Variants in RPE65 observed in about 807,000 individuals in gnomAD.
RPE65 encodes retinoid isomerohydrolase.
A neutral mutation model predicts 68.5 loss-of-function variants in RPE65; 58 were observed. The observed-to-expected ratio is 0.85, with a 90% CI of 0.69 to 1.05. The LOEUF is 1.05. Ranked by LOEUF, RPE65 falls within the 50% of genes least tolerant of loss-of-function variation. RPE65 has a pLI of 0.00. For synonymous variants in RPE65, 220 were observed against 222.2 expected (o/e 0.99, Z 0.09); for missense variants, 643 against 629.9 (o/e 1.02, Z -0.22).
In RPE65 at chr1:68,431,124, T is replaced by A; in HGVS notation, c.1391A>T (p.Asp464Val). 6.2e-7 allele frequency: 1 copy of A among 1,613,866 alleles called. No homozygotes were observed. The highest frequency in any genetic ancestry group is 8.5e-7 in the Non-Finnish European group (1 of 1,179,822). ...AAAGATGGGTTCTGATGGGTATGAA[T>A]CAGGCTCTTGCCAAACCCAAGTTTC... ...TKETWVWQEP[D>V]SYPSEPIFVS... The change falls in exon 13 of 14, where the codon GAT becomes GTT. Residue 464 changes from aspartate (D) to valine (V), a missense_variant. Transcript: ENST00000262340.
At chr1:68,434,113 TATAC>T (rs201882852) in intron 10 of RPE65, among the ~76,000 whole-genome samples, 19,365 of 142,400 alleles carry the variant, frequency 0.14, 1,351 homozygotes, top group East Asian at 0.3. Flanking sequence ...TATATATATA[TATAC>T]ACACACACAC....
chr1:68,431,201 T>G, intron 12 of RPE65, 25 bp from the exon 13 acceptor site: 1 of 1,611,400 alleles, frequency 6.2e-7, no homozygotes, highest in Non-Finnish European at 8.5e-7. Flanking sequence ...GAAAAATCAA[T>G]CAAGCAATCA....
At chr1:68,430,988 C>G in intron 13 of RPE65, 77 bp downstream of exon 13, 1 of 1,125,162 alleles carries the variant, frequency 8.9e-7, no homozygotes, top group Non-Finnish European at 1.4e-6. Flanking sequence ...AATAATCAAC[C>G]TTACTCCTTT....
intron 2 of RPE65, 107 bp from the exon 3 acceptor site, chr1:68,446,967 C>T (rs565693663): frequency 2.6e-4 from 367 of 1,437,558 alleles, no homozygotes; most frequent in Non-Finnish European, 3.4e-4. Context: ...GCTTCTTCCT[C>T]ATAGAGCTGG....
At chr1:68,441,258 G>T (rs1003907337) in intron 5 of RPE65, among the ~76,000 whole-genome samples, 3 of 152,128 alleles carry the variant, frequency 2.0e-5, no homozygotes, top group Admixed American at 2.0e-4. Flanking sequence ...GCTCTGGTTA[G>T]TTACTTTTCT....
chr1:68,433,487 T>A (rs1251270976), intron 10 of RPE65, among the ~76,000 whole-genome samples: 2 of 152,146 alleles, frequency 1.3e-5, no homozygotes. Context: ...GGTGGGTAGA[T>A]GTGCTGGCAA....
Position 68,439,309 on chromosome 1 carries a change from G to A in RPE65, c.740C>T (p.Pro247Leu). 1.9e-6 allele frequency: 3 copies of A among 1,613,536 alleles called. No homozygotes were observed. Among genetic ancestry groups the A allele is most frequent in the Non-Finnish European group, 2.5e-6 (3 of 1,179,944 alleles). Residue 247 changes from proline (P) to leucine (L), a missense_variant, in exon 8 of 14, where the codon CCC becomes CTC. Coordinates refer to ENST00000262340, the MANE Select transcript of RPE65 (RefSeq NM_000329.3). ...PSYVHSFGLT[P>L]NYIVFVETPV... is the part of the protein sequence containing the mutation. ...TGTCTCCACAAAAACGATATAGTTG[G>A]GAGTCAGACCAAAACTGTTCAGAAA...
At chr1:68,449,009 T>C (rs1645962878) in intron 1 of RPE65, among the ~76,000 whole-genome samples, 1 of 152,184 alleles carries the variant, frequency 6.6e-6, no homozygotes, top group African/African-American at 2.4e-5. Flanking sequence ...AACTTAATCC[T>C]GTCCTCTGCA....
intron 10 of RPE65, among the ~76,000 whole-genome samples, chr1:68,436,745 G>A (rs1645866075): frequency 6.6e-6 from 1 of 152,212 alleles, no homozygotes; most frequent in South Asian, 2.1e-4. Flanking sequence ...TGGGATTACA[G>A]GTGTGAGCCA....
intron 2 of RPE65, 113 bp downstream of exon 2, chr1:68,448,511 C>T (rs1366086561): frequency 1.1e-6 from 1 of 937,984 alleles, no homozygotes; most frequent in Non-Finnish European, 1.7e-6. Context: ...ACCACCTGAT[C>T]CCTCTCCCTG....
chr1:68,448,859 G>A (rs1645961580), intron 1 of RPE65, among the ~76,000 whole-genome samples, 153 bp from the exon 2 acceptor site: 3 of 137,632 alleles, frequency 2.2e-5, no homozygotes, highest in Admixed American at 2.2e-4. Flanking sequence ...GGTGGGGGTG[G>A]GGGGAGAAGC....
intron 10 of RPE65, among the ~76,000 whole-genome samples, chr1:68,437,481 T>C (rs1297001029): frequency 2.0e-5 from 3 of 152,236 alleles, no homozygotes; most frequent in Admixed American, 6.5e-5. Context: ...AAGCCTTTGG[T>C]ACAAAGTTTT....
chr1:68,438,127 A>G (rs1411249647), intron 10 of RPE65, 60 bp downstream of exon 10: 1 of 1,604,628 alleles, frequency 6.2e-7, no homozygotes, highest in African/African-American at 1.3e-5. Flanking sequence ...GCAGGAGGAC[A>G]ATTCCTGAGA....
At chr1:68,441,092 C>T in intron 5 of RPE65, 92 bp from the exon 6 acceptor site, 1 of 1,437,236 alleles carries the variant, frequency 7.0e-7, no homozygotes, top group Non-Finnish European at 9.6e-7. Context: ...ACCCCTTGAA[C>T]TCTCATCCTA....
In RPE65 at chr1:68,449,946, A is replaced by G. The variant is rs549742208; in HGVS notation, c.-41T>C. 36 of 1,613,352 alleles carry G rather than the reference A, an allele frequency of 2.2e-5. No homozygotes were observed. Among genetic ancestry groups the G allele is most frequent in the Middle Eastern group, 3.3e-4 (2 of 6,060 alleles). ...GATCCAGAGTTCTGGCACCAACTGC[A>G]GAATGAAGAAGGAAGTTCTCAGCCA... On this transcript the variant is annotated 5_prime_UTR_variant, in exon 1 of 14. Coordinates refer to ENST00000262340, the MANE Select transcript of RPE65 (RefSeq NM_000329.3).
chr1:68,436,247 G>T (rs1260969866), intron 10 of RPE65, among the ~76,000 whole-genome samples: 1 of 152,010 alleles, frequency 6.6e-6, no homozygotes, highest in Non-Finnish European at 1.5e-5. Context: ...ACATGTCAGT[G>T]ATATGCTTCT....
chr1:68,438,833 A>G (rs577620691), intron 9 of RPE65, 109 bp downstream of exon 9: 5 of 1,367,926 alleles, frequency 3.7e-6, no homozygotes, highest in Non-Finnish European at 5.2e-6. Flanking sequence ...CTCTCACATA[A>G]CTCTTGCTGT....
chr1:68,440,955 G>T lies in RPE65; in HGVS notation c.541C>A (p.Pro181Thr). 1 of 1,613,920 alleles carries T rather than the reference G, an allele frequency of 6.2e-7. No homozygotes were observed. The highest frequency in any genetic ancestry group is 8.5e-7 in the Non-Finnish European group (1 of 1,179,910). ...YVSVNGATAH[P>T]HIENDGTVYN... ...ACGGTTCCATCATTTTCAATGTGGG[G>T]GTGAGCAGTGGCCCCATTGACAGAG... Residue 181 changes from proline (P) to threonine (T), a missense_variant, in exon 6 of 14, where the codon CCC (proline) becomes ACC (threonine). Transcript: ENST00000262340.
chr1:68,446,866 A>G lies in RPE65; in HGVS notation c.95-6T>C. 6.2e-7 allele frequency: 1 copy of G among 1,613,174 alleles called. No individual in the cohort carries two copies. The highest frequency in any genetic ancestry group is 1.1e-5 in the South Asian group (1 of 91,022). On this transcript the variant is annotated splice_polypyrimidine_tract_variant and splice_region_variant and intron_variant, in intron 2 of 13. Coordinates refer to ENST00000262340, the MANE Select transcript of RPE65 (RefSeq NM_000329.3). ...GAGCCAGAGGGGGATCCTGCCTGTG[A>G]TGAAGGGGAGACAGAACATTGCTTC...
Sources: allele counts gnomAD v4.1 joint callset (sites outside exome capture counted in the v4.1 genomes callset), GRCh38; gene constraint gnomAD v4.1.1; transcripts MANE v1.5; gene names NCBI Gene and HGNC (gene_info 2026-07-23, HGNC 2026-07-21).